The following PNOC variants were observed in gnomAD, a reference collection of about 807,000 sequenced individuals.
PNOC encodes prepronociceptin.
Under a neutral mutation model 15.6 loss-of-function variants are expected in PNOC, and 10 were observed. The ratio of observed to expected loss-of-function variants is 0.64; its 90% CI spans 0.40 to 1.09. PNOC has a LOEUF of 1.09. PNOC is among the 50% of genes least tolerant of loss of function. The probability of loss-of-function intolerance (pLI) is 0.01; values close to 1 mark genes in which losing one functional copy is unlikely to be tolerated. For synonymous variants in PNOC, 98 were observed against 88.5 expected (o/e 1.11, Z -0.60); for missense variants, 220 against 223.9 (o/e 0.98, Z 0.11).
chr8:28,336,542 T>G (rs575816558), intron 2 of PNOC, among the ~76,000 whole-genome samples: 5 of 152,262 alleles, frequency 3.3e-5, no homozygotes, highest in African/African-American at 1.2e-4. Flanking sequence ...AACAGCCTCA[T>G]AGGCCTCAAG....
rs763016263 is a variant in PNOC at position 28,339,132 on chromosome 8, C to G, written c.219C>G (p.Ser73Arg). The change falls in exon 3 of 4, where the codon AGC (serine) becomes AGG (arginine). Residue 73 changes from serine (S) to arginine (R), a missense_variant. Physicochemically the swap from Ser to Arg is moderately radical, Grantham distance 110. Transcript: ENST00000301908. ...KVMARSSWQL[S>R]PAAPEHVAAA... ...TGGCCAGGAGCTCTTGGCAGCTCAG[C>G]CCTGCCGCCCCAGAGCATGTGGCGG... 7.1e-5 allele frequency: 114 copies of G among 1,612,802 alleles called. No homozygotes were observed. Among genetic ancestry groups the G allele is most frequent in the Non-Finnish European group, 9.3e-5 (110 of 1,178,948 alleles).
At chr8:28,333,311 C>T (rs1268002136) in intron 2 of PNOC, among the ~76,000 whole-genome samples, 2 of 152,164 alleles carry the variant, frequency 1.3e-5, no homozygotes, top group Non-Finnish European at 2.9e-5. Context: ...TCCCCATAAG[C>T]CCAGCTTTAC....
intron 2 of PNOC, among the ~76,000 whole-genome samples, chr8:28,335,612 C>A (rs1339151331): frequency 6.6e-6 from 1 of 152,142 alleles, no homozygotes; most frequent in Non-Finnish European, 1.5e-5. Context: ...ACCACAACCT[C>A]CGCCTCCCAG....
At chr8:28,338,480 G>T (rs547451162) in intron 2 of PNOC, 233 of 531,778 alleles carry the variant, frequency 4.4e-4, no homozygotes, top group Non-Finnish European at 5.5e-4. Flanking sequence ...GACCCCATTT[G>T]CTATAAATGA....
At chr8:28,321,433 C>T (rs1375136208) in intron 1 of PNOC, among the ~76,000 whole-genome samples, 1 of 151,870 alleles carries the variant, frequency 6.6e-6, no homozygotes. Flanking sequence ...GCTACCTTCC[C>T]ACCTGCAGTA....
chr8:28,325,420 G>A (rs756384444), intron 1 of PNOC, among the ~76,000 whole-genome samples: 2 of 151,926 alleles, frequency 1.3e-5, no homozygotes, highest in South Asian at 2.1e-4. Flanking sequence ...TTGGGAGGCC[G>A]AGGCAGGCAG....
In PNOC at chr8:28,343,272, T is replaced by C. The variant is rs1801557103; in HGVS notation, c.*378T>C. ...TTTGACTTGCCACTGCCATAACTTG[T>C]TTGTAAAAGAGCTGTTCTTTTTGAC... On this transcript the variant is annotated 3_prime_UTR_variant, in exon 4 of 4. Transcript: ENST00000301908. The C allele has an allele frequency of 6.5e-6, 1 of 152,718 alleles. No individual in the cohort carries two copies. The highest frequency in any genetic ancestry group is 2.1e-4 in the South Asian group (1 of 4,836). The allele number at this position is 152,718 out of a possible 1,614,324, so 9.5% of individuals were successfully genotyped here.
rs191899808 is a variant in PNOC at position 28,342,865 on chromosome 8, T to A, written c.*48-77T>A. 1,860 of 520,548 alleles carry A rather than the reference T, an allele frequency of 3.6e-3. 5 individuals carry two copies. Among genetic ancestry groups the A allele is most frequent in the Non-Finnish European group, 4.4e-3 (1,763 of 404,842 alleles). 32.2% of individuals were successfully genotyped at this position (520,548 alleles called of 1,614,324 possible). A position where few individuals can be genotyped will look rare whatever the true frequency, so the allele number is the denominator to read the frequency against. ...TTTTCTTTGCCTCCCTTTCACTGCT[T>A]CCGTCTCTAGGGGGAATAGAAAAGG... On this transcript the variant is annotated intron_variant, in intron 3 of 3. Coordinates refer to ENST00000301908, the MANE Select transcript of PNOC (RefSeq NM_006228.5).
At chr8:28,340,184 G>A (rs970344373) in intron 3 of PNOC, 4 of 152,206 alleles carry the variant, frequency 2.6e-5, no homozygotes, top group African/African-American at 9.7e-5. Context: ...GGACCTAGTA[G>A]CTACTAGAAT....
In PNOC at chr8:28,338,994, A is replaced by G. The variant is rs141684962; in HGVS notation, c.127-46A>G. On this transcript the variant is annotated intron_variant, in intron 2 of 3. Coordinates refer to ENST00000301908, the MANE Select transcript of PNOC (RefSeq NM_006228.5). Reference sequence around the variant, plus strand: ...ATCTCCTCCCTCGCCCTGGATTAACAGAGGTCCTTGTTCCTTCTCCCCTCC... The same window carrying G: ...ATCTCCTCCCTCGCCCTGGATTAACGGAGGTCCTTGTTCCTTCTCCCCTCC... 684 of 1,492,702 alleles carry G rather than the reference A, an allele frequency of 4.6e-4. 11 individuals are homozygous for G. The East Asian group carries it at 0.013, about 29-fold the overall frequency. The allele number at this position is 1,492,702 out of a possible 1,614,324, so 92.5% of individuals were successfully genotyped here.
intron 2 of PNOC, among the ~76,000 whole-genome samples, chr8:28,334,170 G>T (rs1259549772): frequency 1.3e-5 from 2 of 152,010 alleles, no homozygotes; most frequent in Non-Finnish European, 2.9e-5. Context: ...TGAGATCCAC[G>T]CCTGTAGAGT....
intron 2 of PNOC, among the ~76,000 whole-genome samples, chr8:28,334,297 G>A (rs1801376772): frequency 6.6e-6 from 1 of 152,118 alleles, no homozygotes; most frequent in Admixed American, 6.5e-5. Flanking sequence ...TTTCTCTGTA[G>A]GAGTCTTTAA....
At chr8:28,321,206 AT>A (rs34876674) in intron 1 of PNOC, among the ~76,000 whole-genome samples, 213 of 122,784 alleles carry the variant, frequency 1.7e-3, no homozygotes, top group Middle Eastern at 4.5e-3. Flanking sequence ...ACCTAGCTAA[AT>A]TTTTTTTTTT....
chr8:28,324,233 C>A (rs1281829630), intron 1 of PNOC, among the ~76,000 whole-genome samples: 1 of 152,152 alleles, frequency 6.6e-6, no homozygotes, highest in Non-Finnish European at 1.5e-5. Flanking sequence ...TCCTTTTATA[C>A]CTCGCCCTTA....
chr8:28,336,667 A>G (rs1188461690), intron 2 of PNOC, among the ~76,000 whole-genome samples: 2 of 152,180 alleles, frequency 1.3e-5, no homozygotes, highest in Non-Finnish European at 2.9e-5. Context: ...ATGATAAACA[A>G]TTAGACAGCT....
At chr8:28,325,690 A>T in intron 1 of PNOC, among the ~76,000 whole-genome samples, 1 of 145,252 alleles carries the variant, frequency 6.9e-6, no homozygotes. Context: ...AAAAAAAGAA[A>T]GACATTAAGA....
chr8:28,325,773 A>G (rs1801216200), intron 1 of PNOC, among the ~76,000 whole-genome samples: 1 of 151,822 alleles, frequency 6.6e-6, no homozygotes, highest in South Asian at 2.1e-4. Flanking sequence ...CCAGGAGATG[A>G]AGCAGGAGTT....
chr8:28,328,718 T>C (rs1406254731), intron 1 of PNOC, among the ~76,000 whole-genome samples: 2 of 152,190 alleles, frequency 1.3e-5, no homozygotes, highest in African/African-American at 2.4e-5. Flanking sequence ...TTATGGGCTA[T>C]GAAAACTGAG....
At chr8:28,330,400 T>TATTATTTTTTTTTTTTTTATTTTTTTTTA (rs1431540071) in intron 2 of PNOC, among the ~76,000 whole-genome samples, 1 of 102,228 alleles carries the variant, frequency 9.8e-6, no homozygotes, top group Non-Finnish European at 2.0e-5. Context: ...TATTTTATTT[T>TATTATTTTTTTTTTTTTTATTTTTTTTTA]TTTTTTTTTT....
Sources: allele counts gnomAD v4.1 joint callset (sites outside exome capture counted in the v4.1 genomes callset), GRCh38; gene constraint gnomAD v4.1.1; transcripts MANE v1.5; gene names NCBI Gene and HGNC (gene_info 2026-07-23, HGNC 2026-07-21).